Variants in APPBP2 observed in about 807,000 individuals in gnomAD.
The protein encoded by APPBP2 is amyloid protein-binding protein 2.
APPBP2 carries 15 observed loss-of-function variants against 76.0 expected under a neutral mutation model. The ratio of observed to expected loss-of-function variants is 0.20; its 90% CI spans 0.13 to 0.30. The LOEUF (loss-of-function observed/expected upper bound fraction) is 0.30. Ranked by LOEUF, APPBP2 falls within the 10% of genes least tolerant of loss-of-function variation. APPBP2 has a pLI of 1.00. For missense variants in APPBP2, 401 were observed against 687.2 expected, an observed-to-expected ratio of 0.58 and a Z score of 4.66; for synonymous variants, 222 against 242.2, an observed-to-expected ratio of 0.92 and a Z score of 0.77.
rs9893667 is a variant in APPBP2 at position 60,444,192 on chromosome 17, T to A, written c.*3389A>T. On this transcript the variant is annotated 3_prime_UTR_variant, in exon 13 of 13. Transcript: ENST00000083182. ...CCACAGCCAAGAGGTGAAGTACACA[T>A]CCACTTCTAAAGCAAAGATAAAACC... 2.0e-5 allele frequency: 3 copies of A among 151,724 alleles called. No homozygotes were observed. In the South Asian group the frequency reaches 6.3e-4, roughly 32 times the overall value. 9.4% of individuals were successfully genotyped at this position (151,724 alleles called of 1,614,324 possible). A position where few individuals can be genotyped will look rare whatever the true frequency, so the allele number is the denominator to read the frequency against.
chr17:60,487,886 G>T (rs1410444740), intron 3 of APPBP2, among the ~76,000 whole-genome samples: 1 of 152,236 alleles, frequency 6.6e-6, no homozygotes, highest in Non-Finnish European at 1.5e-5. Flanking sequence ...TTTTGGTGTG[G>T]ATGTCCTTTT....
chr17:60,524,297 A>ATTTAATAAATAAATG (rs2091032871), intron 1 of APPBP2, among the ~76,000 whole-genome samples: 2 of 152,230 alleles, frequency 1.3e-5, no homozygotes, highest in South Asian at 4.1e-4. Context: ...AAGATTACAC[A>ATTTAATAAATAAATG]TGATTTAATA....
rs2090346449 is a variant in APPBP2, at chr17:60,446,285, TTTGA to T, written c.*1292_*1295del. The T allele has an allele frequency of 6.6e-6, 1 of 152,604 alleles. No individual in the cohort carries two copies. The highest frequency in any genetic ancestry group is 1.5e-5 in the Non-Finnish European group (1 of 68,032). The allele number at this position is 152,604 out of a possible 1,614,324, so 9.5% of individuals were successfully genotyped here. On this transcript the variant is annotated 3_prime_UTR_variant, in exon 13 of 13. Coordinates refer to ENST00000083182, the MANE Select transcript of APPBP2 (RefSeq NM_006380.5). ...TTGCTACATGTCACAAATTCTTAAA[TTTGA>T]TTATTACCTCATCATTAAATAACCT... is the stretch of plus-strand genomic sequence containing the variant.
chr17:60,450,363 G>A (rs2090384577), intron 12 of APPBP2, among the ~76,000 whole-genome samples: 1 of 151,564 alleles, frequency 6.6e-6, no homozygotes, highest in Non-Finnish European at 1.5e-5. Context: ...GCTTGAACCT[G>A]GGAGTCGGAG....
chr17:60,525,049 A>AG (rs1400919606), intron 1 of APPBP2, among the ~76,000 whole-genome samples: 1 of 152,170 alleles, frequency 6.6e-6, no homozygotes, highest in Non-Finnish European at 1.5e-5. Flanking sequence ...CAGATTTTTG[A>AG]GGGGGAGTGA....
chr17:60,483,059 TG>T (rs2090643786), intron 3 of APPBP2, among the ~76,000 whole-genome samples: 1 of 152,178 alleles, frequency 6.6e-6, no homozygotes, highest in Non-Finnish European at 1.5e-5. Context: ...AGTGTAAAAG[TG>T]TTCCTATTTC....
rs2090417208 is a variant in APPBP2, at chr17:60,454,292, A to G, written c.1338+10T>C. 13 of 1,534,042 alleles carry G rather than the reference A, an allele frequency of 8.5e-6. No homozygotes were observed. The highest frequency in any genetic ancestry group is 1.1e-5 in the Non-Finnish European group (13 of 1,141,394). ...TAAGAGAGAAAAATATAGTAAAAAC[A>G]TGTTTCTACCTTAAATTTTCTCATT... On this transcript the variant is annotated intron_variant, in intron 11 of 12. Transcript: ENST00000083182.
chr17:60,492,820 ATGAGT>A (rs2090740840), intron 3 of APPBP2, among the ~76,000 whole-genome samples: 1 of 152,214 alleles, frequency 6.6e-6, no homozygotes, highest in Non-Finnish European at 1.5e-5. Flanking sequence ...TAATGCTGAA[ATGAGT>A]TAAGACTTTG....
chr17:60,505,019 C>T (rs1338021800), intron 1 of APPBP2, among the ~76,000 whole-genome samples: 1 of 152,060 alleles, frequency 6.6e-6, no homozygotes, highest in Non-Finnish European at 1.5e-5. Context: ...GTTCCTGAAA[C>T]GTGTAATAAA....
intron 1 of APPBP2, 125 bp from the exon 2 acceptor site, chr17:60,500,612 C>T (rs769482610): frequency 6.0e-5 from 42 of 703,588 alleles, no homozygotes; most frequent in Non-Finnish European, 9.5e-5. Context: ...AAATGTAACA[C>T]TAACAAATTT....
At chr17:60,478,898 A>G (rs987776447) in intron 4 of APPBP2, among the ~76,000 whole-genome samples, 5 of 151,680 alleles carry the variant, frequency 3.3e-5, no homozygotes, top group African/African-American at 1.2e-4. Context: ...TGAAAGAGCG[A>G]GACTCTGTTT....
chr17:60,511,583 A>G (rs888473198), intron 1 of APPBP2, among the ~76,000 whole-genome samples: 9 of 120,068 alleles, frequency 7.5e-5, no homozygotes, highest in African/African-American at 3.9e-4. Flanking sequence ...GACTCCATTG[A>G]AAAAAAAAAA....
chr17:60,474,685 T>C (rs1274603895), intron 4 of APPBP2, among the ~76,000 whole-genome samples: 1 of 152,168 alleles, frequency 6.6e-6, no homozygotes, highest in Non-Finnish European at 1.5e-5. Flanking sequence ...CTGTAATAGG[T>C]TTGACGTGGT....
chr17:60,499,062 A>C (rs2090800320), intron 2 of APPBP2, among the ~76,000 whole-genome samples: 1 of 152,192 alleles, frequency 6.6e-6, no homozygotes, highest in Non-Finnish European at 1.5e-5. Context: ...AAGTAACCTA[A>C]AAATGAAATT....
At chr17:60,461,785 A>G in intron 8 of APPBP2, 25 bp downstream of exon 8, 3 of 1,527,122 alleles carry the variant, frequency 2.0e-6, no homozygotes, top group East Asian at 2.3e-5. Context: ...AGGTTGAAAG[A>G]AAAAAAGGGT....
intron 3 of APPBP2, among the ~76,000 whole-genome samples, chr17:60,487,504 A>G (rs1413273107): frequency 6.6e-6 from 1 of 151,998 alleles, no homozygotes; most frequent in Non-Finnish European, 1.5e-5. Flanking sequence ...AAGCATGTGC[A>G]TGTGTCATGT....
chr17:60,479,702 C>T (rs760311266), intron 3 of APPBP2, among the ~76,000 whole-genome samples: 89 of 152,218 alleles, frequency 5.8e-4, no homozygotes, highest in Admixed American at 1.1e-3. Context: ...GATCCTTAAT[C>T]GATTATCTTA....
intron 1 of APPBP2, among the ~76,000 whole-genome samples, chr17:60,502,062 TTTA>T (rs1392751871): frequency 6.6e-6 from 1 of 152,198 alleles, no homozygotes; most frequent in African/African-American, 2.4e-5. Flanking sequence ...TATTTATTTA[TTTA>T]TTTATTTTTT....
rs1490166468 is a variant in APPBP2 at position 60,526,068 on chromosome 17, G to A, written c.-137C>T. 7 of 785,578 alleles carry A rather than the reference G, an allele frequency of 8.9e-6. No individual in the cohort carries two copies. Among genetic ancestry groups the A allele is most frequent in the Non-Finnish European group, 1.4e-5 (7 of 502,150 alleles). 48.7% of individuals were successfully genotyped at this position (785,578 alleles called of 1,614,324 possible). On this transcript the variant is annotated 5_prime_UTR_variant, in exon 1 of 13. Transcript: ENST00000083182. ...ACGCGGGCGCACGGCAGAAGGCACG[G>A]CCGCCCTGCCTCCTCCGGGGGCAAA...
Sources: allele counts gnomAD v4.1 joint callset (sites outside exome capture counted in the v4.1 genomes callset), GRCh38; gene constraint gnomAD v4.1.1; transcripts MANE v1.5; gene names NCBI Gene and HGNC (gene_info 2026-07-23, HGNC 2026-07-21).